MEGF6: variants seen among roughly 807,000 people sequenced by gnomAD.
MEGF6 encodes multiple epidermal growth factor-like domains protein 6.
A neutral mutation model predicts 207.1 loss-of-function variants in MEGF6; 184 were observed. The ratio of observed to expected loss-of-function variants is 0.89; its 90% CI spans 0.79 to 1.00. The LOEUF (loss-of-function observed/expected upper bound fraction) is 1.00. Among genes scored for constraint, MEGF6 ranks in the 50% least tolerant of loss-of-function variants. The probability of loss-of-function intolerance (pLI) is 0.00; values close to 1 mark genes in which losing one functional copy is unlikely to be tolerated. For missense variants in MEGF6, 2,282 were observed against 2,202.9 expected (o/e 1.04, Z -0.72); for synonymous variants, 1,038 against 910.0 (o/e 1.14, Z -2.53).
At chr1:3,530,333 A>T (rs533698272) in intron 4 of MEGF6, among the ~76,000 whole-genome samples, 1 of 152,052 alleles carries the variant, frequency 6.6e-6, no homozygotes, top group Non-Finnish European at 1.5e-5. Flanking sequence ...GTCTCTAAGG[A>T]GCCATTTCAG....
chr1:3,490,250 G>A lies in MEGF6; in HGVS notation c.*278C>T. On this transcript the variant is annotated 3_prime_UTR_variant, in exon 37 of 37. Transcript: ENST00000356575. ...CCAACTCAGAGCCGCGGGGAGAGCG[G>A]GACTTCCTCAGCCCAGGCCCAGAGC... The A allele has an allele frequency of 2.0e-6, 1 of 510,908 alleles. No homozygotes were observed. The highest frequency in any genetic ancestry group is 2.6e-5 in the South Asian group (1 of 38,070). The allele number at this position is 510,908 out of a possible 1,614,324, so 31.6% of individuals were successfully genotyped here. A position where few individuals can be genotyped will look rare whatever the true frequency, so the allele number is the denominator to read the frequency against.
chr1:3,505,632 T>C, intron 15 of MEGF6, 76 bp from the exon 16 acceptor site: 1 of 1,458,606 alleles, frequency 6.9e-7, no homozygotes. Flanking sequence ...CAGCCCTGGG[T>C]CAGCCAGGAC....
At chr1:3,555,470 G>T (rs185954200) in intron 4 of MEGF6, among the ~76,000 whole-genome samples, 3 of 152,366 alleles carry the variant, frequency 2.0e-5, no homozygotes, top group Non-Finnish European at 4.4e-5. Context: ...GCCGGGGCAA[G>T]GCGACTCCTG....
chr1:3,591,586 G>A (rs931555679), intron 3 of MEGF6, among the ~76,000 whole-genome samples: 1 of 152,216 alleles, frequency 6.6e-6, no homozygotes, highest in Admixed American at 6.5e-5. Context: ...CTAAGTCCTG[G>A]AGCCTGAGGC....
chr1:3,567,282 G>A (rs1422112610), intron 4 of MEGF6, among the ~76,000 whole-genome samples: 1 of 152,182 alleles, frequency 6.6e-6, no homozygotes, highest in Non-Finnish European at 1.5e-5. Context: ...TACCCGCCAG[G>A]GCTCACCCAG....
At chr1:3,576,178 G>A (rs1032247718) in intron 4 of MEGF6, among the ~76,000 whole-genome samples, 15 of 152,228 alleles carry the variant, frequency 9.9e-5, no homozygotes, top group East Asian at 7.7e-4. Flanking sequence ...GCCCAGCGCC[G>A]GGCCCTCCAC....
Position 3,530,969 on chromosome 1 carries a change from C to T in MEGF6, c.482-6723G>A, listed in dbSNP as rs555654026. On this transcript the variant is annotated intron_variant, in intron 4 of 36. Coordinates refer to ENST00000356575, the MANE Select transcript of MEGF6 (RefSeq NM_001409.4). Reference sequence around the variant, plus strand: ...CGGGCACTGCCCCGCCCTGCTCCCTCCAGCCTAGCAGGCAGCGCCCTGGCG... The same window carrying T: ...CGGGCACTGCCCCGCCCTGCTCCCTTCAGCCTAGCAGGCAGCGCCCTGGCG... 4.5e-4 allele frequency: 604 copies of T among 1,351,912 alleles called. 2 individuals carry two copies. The highest frequency in any genetic ancestry group is 3.0e-4 in the Non-Finnish European group (310 of 1,050,260). The allele number at this position is 1,351,912 out of a possible 1,614,324, so 83.7% of individuals were successfully genotyped here.
At chr1:3,583,377 C>T (rs1643848849) in intron 3 of MEGF6, among the ~76,000 whole-genome samples, 1 of 80,798 alleles carries the variant, frequency 1.2e-5, no homozygotes, top group African/African-American at 6.2e-5. Flanking sequence ...CCAGACAACC[C>T]ACAGCCACCA....
intron 4 of MEGF6, among the ~76,000 whole-genome samples, chr1:3,569,309 C>T (rs1335004537): frequency 6.6e-6 from 1 of 152,262 alleles, no homozygotes; most frequent in African/African-American, 2.4e-5. Context: ...TCCCAAAGGC[C>T]CTCAGCCTTG....
At position 3,504,101 on chromosome 1, in the gene MEGF6, ATGGCCCCAGGGGAGGCAGAGGAGGGGGC is replaced by A. The variant is rs558021464; in HGVS notation, c.2188+1079_2188+1106del. 5.4e-3 allele frequency among the ~76,000 whole-genome samples: 822 copies of A among 152,058 alleles called. 8 individuals carry two copies. Among genetic ancestry groups the A allele is most frequent in the African/African-American group, 0.018 (765 of 41,486 alleles). On this transcript the variant is annotated intron_variant, in intron 17 of 36. Transcript: ENST00000356575. ...GCTTGAGTCCAGAGAGCCCCCTGGTATGGCCCCAGGGGAGGCAGAGGAGGGGGCTGGCCCCAGGGGAGGCAGAGGAGGG... is the reference window on the plus strand; with the variant it reads ...GCTTGAGTCCAGAGAGCCCCCTGGTATGGCCCCAGGGGAGGCAGAGGAGGG...
intron 4 of MEGF6, among the ~76,000 whole-genome samples, chr1:3,578,420 C>T (rs1339977715): frequency 6.6e-6 from 1 of 152,204 alleles, no homozygotes; most frequent in Non-Finnish European, 1.5e-5. Flanking sequence ...GTGTGGACCC[C>T]ACCTGTCCTC....
intron 34 of MEGF6, 181 bp from the exon 35 acceptor site, chr1:3,492,948 T>C (rs1219314388): frequency 1.1e-5 from 8 of 738,720 alleles, no homozygotes; most frequent in Non-Finnish European, 2.1e-6. Flanking sequence ...GTCCCTGCCC[T>C]GCCTTCCTCA....
intron 5 of MEGF6, among the ~76,000 whole-genome samples, chr1:3,523,502 C>T (rs917679196): frequency 3.3e-5 from 5 of 152,164 alleles, no homozygotes; most frequent in Admixed American, 6.5e-5. Context: ...GCCAAGAGAC[C>T]CCGCAGAGGA....
At chr1:3,543,290 G>A (rs191693922) in intron 4 of MEGF6, among the ~76,000 whole-genome samples, 5 of 152,296 alleles carry the variant, frequency 3.3e-5, no homozygotes, top group African/African-American at 1.2e-4. Flanking sequence ...ACACTGCCCT[G>A]CCAGGGGTCC....
At chr1:3,567,463 G>A (rs986927571) in intron 4 of MEGF6, among the ~76,000 whole-genome samples, 4 of 152,236 alleles carry the variant, frequency 2.6e-5, no homozygotes, top group Non-Finnish European at 5.9e-5. Context: ...CAGACCCTGC[G>A]TGTTTATTGA....
At chr1:3,555,826 A>C (rs1015038500) in intron 4 of MEGF6, among the ~76,000 whole-genome samples, 1 of 152,212 alleles carries the variant, frequency 6.6e-6, no homozygotes, top group African/African-American at 2.4e-5. Context: ...CCTGCCCCCA[A>C]CCAAGGAAGC....
the MEGF6 span, among the ~76,000 whole-genome samples, chr1:3,619,391 A>G: frequency 2.6e-5 from 4 of 152,212 alleles, no homozygotes; most frequent in Admixed American, 6.5e-5. Flanking sequence ...TGTCCCCCAG[A>G]AAGGCACAGT....
intron 7 of MEGF6, among the ~76,000 whole-genome samples, chr1:3,514,332 T>C (rs1641460068): frequency 6.6e-6 from 1 of 151,664 alleles, no homozygotes; most frequent in Non-Finnish European, 1.5e-5. Flanking sequence ...GAAATGAGCC[T>C]CGGGCTGGGA....
Position 3,557,507 on chromosome 1 carries a change from G to A in MEGF6, c.481+22318C>T, listed in dbSNP as rs935612784. Among the ~76,000 whole-genome samples the A allele has an allele frequency of 8.5e-5, 13 of 152,308 alleles. No individual in the cohort carries two copies. In the South Asian group the frequency reaches 2.1e-3, roughly 24 times the overall value. ...GGCGTCCAGGCTACGTGCCCACCTC[G>A]CTGGGCGGTTATCTCTGCGCCTGCA... On this transcript the variant is annotated intron_variant, in intron 4 of 36. Coordinates refer to ENST00000356575, the MANE Select transcript of MEGF6 (RefSeq NM_001409.4).
Sources: gnomAD v4.1 joint callset for allele counts (sites outside exome capture counted in the v4.1 genomes callset) on GRCh38, gnomAD v4.1.1 for gene constraint, MANE v1.5 for transcripts, NCBI Gene and HGNC (gene_info 2026-07-23, HGNC 2026-07-21) for gene names.